PCDHGA6: variants seen among roughly 807,000 people sequenced by gnomAD.
The protein encoded by PCDHGA6 is protocadherin gamma-A6.
A neutral mutation model predicts 60.6 loss-of-function variants in PCDHGA6; 41 were observed. The ratio of observed to expected loss-of-function variants is 0.68; its 90% CI spans 0.53 to 0.88. The LOEUF is 0.88. Ranked by LOEUF, PCDHGA6 falls within the 40% of genes least tolerant of loss-of-function variation. The pLI is 0.00. For missense variants in PCDHGA6, 1,312 were observed against 1,203.0 expected (o/e 1.09, Z -1.34); for synonymous variants, 594 against 524.4 (o/e 1.13, Z -1.81).
At chr5:141,377,212 G>A (rs1390877095) in intron 1 of PCDHGA6, 4 of 151,992 alleles carry the variant, frequency 2.6e-5, no homozygotes, top group African/African-American at 4.8e-5. Context: ...AGTACATCTC[G>A]TTTCTTAGGT....
In PCDHGA6 at chr5:141,414,656, C is replaced by A. The variant is rs1409573217; in HGVS notation, c.2424+38149C>A. The A allele has an allele frequency of 1.2e-5, 20 of 1,614,008 alleles. No individual in the cohort carries two copies. Among genetic ancestry groups the A allele is most frequent in the Non-Finnish European group, 1.7e-5 (20 of 1,179,888 alleles). On this transcript the variant is annotated intron_variant, in intron 1 of 3. Transcript: ENST00000517434. ...AAAGAGAATGCCCAGATTATTTACTCCCTGGCTGAAGACACCATCCAGGGG... is the reference window on the plus strand; with the variant it reads ...AAAGAGAATGCCCAGATTATTTACTACCTGGCTGAAGACACCATCCAGGGG...
At chr5:141,395,543 TGTGTG>T in intron 1 of PCDHGA6, 1 of 8,204 alleles carries the variant, frequency 1.2e-4, no homozygotes, top group Non-Finnish European at 2.0e-4. Context: ...TGCTATTGTT[TGTGTG>T]TGTGTGTGTG....
Position 141,447,955 on chromosome 5 carries a change from G to A in PCDHGA6, c.2425-46852G>A, listed in dbSNP as rs536740280. On this transcript the variant is annotated intron_variant, in intron 1 of 3. Coordinates refer to ENST00000517434, the MANE Select transcript of PCDHGA6 (RefSeq NM_018919.3). ...ACAAAAATTAGCTGGGCATGGTGGC[G>A]GACACCTATAATCCCAGCTACTCGG... Among the ~76,000 whole-genome samples the A allele has an allele frequency of 1.6e-4, 24 of 151,898 alleles. 1 individual carries two copies. The highest frequency in any genetic ancestry group is 8.3e-4 in the South Asian group (4 of 4,816).
intron 1 of PCDHGA6, among the ~76,000 whole-genome samples, chr5:141,439,341 G>A (rs1464427300): frequency 6.6e-6 from 1 of 152,166 alleles, no homozygotes; most frequent in East Asian, 1.9e-4. Context: ...AAGATTCTAA[G>A]CCTACAAATA....
intron 1 of PCDHGA6, chr5:141,404,970 C>G: frequency 6.2e-7 from 1 of 1,614,058 alleles, no homozygotes; most frequent in East Asian, 2.2e-5. Context: ...GACATCCTGG[C>G]TGACCTGGGC....
Position 141,487,501 on chromosome 5 carries a change from T to A in PCDHGA6, c.2425-7306T>A. 1 of 1,614,232 alleles carries A rather than the reference T, an allele frequency of 6.2e-7. No individual in the cohort carries two copies. Among genetic ancestry groups the A allele is most frequent in the Non-Finnish European group, 8.5e-7 (1 of 1,180,036 alleles). On this transcript the variant is annotated intron_variant, in intron 1 of 3. Transcript: ENST00000517434. This position sits in a 1 kb window ranked among gnomAD's most constrained non-coding sequence, Gnocchi z 5.0. ...ACTCTCATGGCTGTACACCCTTGGC[T>A]TCTGCACCCACTCGGAGTGATAGCT...
At chr5:141,407,910 G>A in intron 1 of PCDHGA6, 1 of 428,786 alleles carries the variant, frequency 2.3e-6, no homozygotes, top group Non-Finnish European at 4.1e-6. Flanking sequence ...GAAAAACCGG[G>A]CTGCTGTCCC....
intron 1 of PCDHGA6, chr5:141,426,679 T>A (rs1008777231): frequency 9.3e-6 from 4 of 431,308 alleles, no homozygotes; most frequent in African/African-American, 2.0e-5. Context: ...CCACCTCATT[T>A]TCCCCAAAAT....
intron 1 of PCDHGA6, among the ~76,000 whole-genome samples, chr5:141,482,875 C>T (rs2099573976): frequency 6.6e-6 from 1 of 151,958 alleles, no homozygotes; most frequent in African/African-American, 2.4e-5. Context: ...AGTTTGAAAC[C>T]AGCCTGGCCA....
intron 1 of PCDHGA6, chr5:141,407,886 A>G (rs1390921977): frequency 2.6e-6 from 1 of 384,594 alleles, no homozygotes; most frequent in Non-Finnish European, 4.6e-6. Context: ...CATTTCGGAG[A>G]CCGAATTCAA....
intron 1 of PCDHGA6, chr5:141,479,209 A>T (rs1314929824): frequency 6.6e-6 from 1 of 152,432 alleles, no homozygotes; most frequent in African/African-American, 2.4e-5. Context: ...AAAAGTATTT[A>T]AAAAATTAAA....
chr5:141,483,401 A>G (rs1052240280), intron 1 of PCDHGA6, among the ~76,000 whole-genome samples: 2 of 152,202 alleles, frequency 1.3e-5, no homozygotes, highest in African/African-American at 4.8e-5. Context: ...TGCTTGAACC[A>G]GCACAGTGGC....
intron 1 of PCDHGA6, among the ~76,000 whole-genome samples, chr5:141,453,121 G>A (rs62379169): frequency 4.7e-4 from 71 of 151,818 alleles, no homozygotes; most frequent in Non-Finnish European, 8.4e-4. Flanking sequence ...GTTTTGTTTT[G>A]TTTTGTTTTT....
intron 1 of PCDHGA6, among the ~76,000 whole-genome samples, chr5:141,451,493 T>C (rs1554137340): frequency 2.0e-5 from 3 of 152,230 alleles, no homozygotes; most frequent in Admixed American, 2.0e-4. Context: ...TGGACCTCCA[T>C]AGGGCAACCA....
At chr5:141,410,404 G>A (rs79498912) in intron 1 of PCDHGA6, 32,650 of 1,614,014 alleles carry the variant, frequency 0.02, 588 homozygotes, top group African/African-American at 0.088. Context: ...TCTGTGTCAA[G>A]TCTGGACCTG....
intron 1 of PCDHGA6, chr5:141,428,122 G>A: frequency 6.2e-7 from 1 of 1,606,172 alleles, no homozygotes; most frequent in Non-Finnish European, 8.5e-7. Context: ...ATCGAGCCCG[G>A]GCTTTTCAGC....
At chr5:141,437,650 A>G in intron 1 of PCDHGA6, among the ~76,000 whole-genome samples, 1 of 152,314 alleles carries the variant, frequency 6.6e-6, no homozygotes, top group Non-Finnish European at 1.5e-5. Context: ...AAAAGCAAAC[A>G]CATAGTTTCG....
At chr5:141,390,352 A>G (rs1340044054) in intron 1 of PCDHGA6, 2 of 1,557,524 alleles carry the variant, frequency 1.3e-6, no homozygotes, top group African/African-American at 2.7e-5. Context: ...GAAAATATAC[A>G]TATTTGCAGG....
chr5:141,375,028 T>C lies in PCDHGA6; in HGVS notation c.945T>C (p.Tyr315=). Residue 315 remains tyrosine, a synonymous_variant, in exon 1 of 4, where the codon TAT becomes TAC. Coordinates refer to ENST00000517434, the MANE Select transcript of PCDHGA6 (RefSeq NM_018919.3). ...ANLDYEDSSF[Y]ELGVEARDGP... Reference sequence around the variant, plus strand: ...TAGACTATGAGGACTCGAGTTTTTATGAGCTGGGTGTTGAAGCCCGGGATG... The same window carrying C: ...TAGACTATGAGGACTCGAGTTTTTACGAGCTGGGTGTTGAAGCCCGGGATG... The C allele has an allele frequency of 6.2e-7, 1 of 1,614,042 alleles. No individual in the cohort carries two copies. The highest frequency in any genetic ancestry group is 8.5e-7 in the Non-Finnish European group (1 of 1,179,900).
Sources: allele counts gnomAD v4.1 joint callset (sites outside exome capture counted in the v4.1 genomes callset), GRCh38; gene constraint gnomAD v4.1.1; non-coding constraint Gnocchi (gnomAD v3.1); transcripts MANE v1.5; gene names NCBI Gene and HGNC (gene_info 2026-07-23, HGNC 2026-07-21).